The following ANGPTL8 variants were observed in gnomAD, a reference collection of about 807,000 sequenced individuals.
ANGPTL8 encodes the protein angiopoietin like 8.
Under a neutral mutation model 22.6 loss-of-function variants are expected in ANGPTL8, and 24 were observed. That is an observed-to-expected ratio of 1.06 (90% CI 0.77 to 1.49). ANGPTL8 has a LOEUF of 1.49. Ranked by LOEUF, ANGPTL8 falls within the 40% of genes most tolerant of loss-of-function variation. The pLI is 0.00. For synonymous variants in ANGPTL8, 88 were observed against 113.4 expected, an observed-to-expected ratio of 0.78 and a Z score of 1.42; for missense variants, 230 against 259.6, an observed-to-expected ratio of 0.89 and a Z score of 0.78.
At chr19:11,241,002 T>C (rs529766469) in intron 2 of ANGPTL8, among the ~76,000 whole-genome samples, 81 of 151,816 alleles carry the variant, frequency 5.3e-4, no homozygotes, top group South Asian at 1.7e-3. Flanking sequence ...CCCAGCACTT[T>C]GGGTAGCTAA....
chr19:11,239,885 G>A lies in ANGPTL8; in HGVS notation c.248G>A (p.Arg83Gln), dbSNP rs754255586. The A allele has an allele frequency of 2.8e-5, 44 of 1,595,300 alleles. No individual in the cohort carries two copies. Among genetic ancestry groups the A allele is most frequent in the South Asian group, 3.4e-5 (3 of 88,020 alleles). The change falls in exon 1 of 4, where the codon CGG becomes CAG. Residue 83 changes from arginine to glutamine, a missense_variant. Arg to Gln is a conservative substitution (Grantham distance 43). Transcript: ENST00000252453. ...TIELLGQEVSRGRDAAQELRA... is the reference protein window; with the variant it reads ...TIELLGQEVSQGRDAAQELRA... ...GAACTCCTGGGGCAGGAGGTCAGCCGGGGCCGGGATGCAGCCCAGGAACTT... is the reference window on the plus strand; with the variant it reads ...GAACTCCTGGGGCAGGAGGTCAGCCAGGGCCGGGATGCAGCCCAGGAACTT...
Position 11,240,187 on chromosome 19 carries a change from G to C in ANGPTL8, c.350G>C (p.Gly117Ala), listed in dbSNP as rs748361618. The change falls in exon 2 of 4, where the codon GGG becomes GCG. Residue 117 changes from glycine to alanine, a missense_variant. Transcript: ENST00000252453. The part of the protein sequence containing the change: ...LQAEATAEVL[G>A]EVAQAQKVLR... ...GCAGAGGCCACAGCTGAGGTGCTGG[G>C]GGAGGTGGCCCAGGCACAGAAGGTG... 3 of 1,554,682 alleles carry C rather than the reference G, an allele frequency of 1.9e-6. No individual in the cohort carries two copies. The African/African-American group carries it at 4.1e-5, about 21-fold the overall frequency.
chr19:11,240,582 CTTTTTTTTTTT>C (rs869249463), intron 2 of ANGPTL8, among the ~76,000 whole-genome samples: 4 of 136,364 alleles, frequency 2.9e-5, no homozygotes, highest in African/African-American at 1.1e-4. Context: ...TCAATAAATT[CTTTTTTTTTTT>C]TTTTTTGAGA....
chr19:11,241,423 G>T (rs1326511041), intron 2 of ANGPTL8, 22 bp from the exon 3 acceptor site: 3 of 1,508,774 alleles, frequency 2.0e-6, no homozygotes, highest in Non-Finnish European at 2.7e-6. Flanking sequence ...GTCGGCTGAG[G>T]TTTCCATTCT....
Position 11,241,701 on chromosome 19 carries a change from G to T in ANGPTL8, c.*14G>T. The T allele has an allele frequency of 6.3e-7, 1 of 1,580,608 alleles. No individual in the cohort carries two copies. Among genetic ancestry groups the T allele is most frequent in the Non-Finnish European group, 8.6e-7 (1 of 1,164,076 alleles). On this transcript the variant is annotated 3_prime_UTR_variant, in exon 4 of 4. Transcript: ENST00000252453. ...CTCCCAGCCTGAATCTGCCTGGATG[G>T]AACTGAGGACCAATCATGCTGCAAG...
chr19:11,239,729 A>G lies in ANGPTL8; in HGVS notation c.92A>G (p.Gln31Arg). 1 of 1,613,336 alleles carries G rather than the reference A, an allele frequency of 6.2e-7. No individual in the cohort carries two copies. Among genetic ancestry groups the G allele is most frequent in the Non-Finnish European group, 8.5e-7 (1 of 1,179,724 alleles). ...CCCATGGGCGGCCCAGAACTGGCAC[A>G]GCATGAGGAGCTGACCCTGCTCTTC... is the stretch of plus-strand genomic sequence containing the variant. ...AAPMGGPELA[Q>R]HEELTLLFHG... The change falls in exon 1 of 4, where the codon CAG (glutamine) becomes CGG (arginine). Residue 31 changes from glutamine (Q) to arginine (R), a missense_variant. Physicochemically the swap from Gln to Arg is conservative, Grantham distance 43 (BLOSUM62 1). Coordinates refer to ENST00000252453, the MANE Select transcript of ANGPTL8 (RefSeq NM_018687.7).
chr19:11,240,132 C>T lies in ANGPTL8; in HGVS notation c.298-3C>T. 9 of 1,551,594 alleles carry T rather than the reference C, an allele frequency of 5.8e-6. No homozygotes were observed. The highest frequency in any genetic ancestry group is 7.8e-6 in the Non-Finnish European group (9 of 1,146,992). The stretch of plus-strand genomic sequence containing the variant: ...TACTAGTGACCCACTGTTTATTAAG[C>T]AGATGGAGGAGGATATTCTGCAGCT... On this transcript the variant is annotated splice_region_variant and splice_polypyrimidine_tract_variant and intron_variant, in intron 1 of 3. Transcript: ENST00000252453.
At chr19:11,240,108 A>G (rs1318750771) in intron 1 of ANGPTL8, 27 bp from the exon 2 acceptor site, 1 of 1,551,276 alleles carries the variant, frequency 6.4e-7, no homozygotes, top group African/African-American at 1.4e-5. Flanking sequence ...TGGACATCCT[A>G]CTAGTGACCC....
intron 1 of ANGPTL8, 35 bp downstream of exon 1, chr19:11,239,969 A>T (rs758952234): frequency 6.4e-7 from 1 of 1,558,048 alleles, no homozygotes; most frequent in South Asian, 1.2e-5. Flanking sequence ...TGGGGTGGCC[A>T]GGAGTCCAAA....
At chr19:11,240,423 C>A in intron 2 of ANGPTL8, 127 bp downstream of exon 2, 1 of 991,726 alleles carries the variant, frequency 1.0e-6, no homozygotes, top group Non-Finnish European at 1.4e-6. Context: ...CCTGCATGTC[C>A]CCAGACAAAA....
At position 11,239,888 on chromosome 19, in the gene ANGPTL8, GC is replaced by G. The variant is rs747694751; in HGVS notation, c.253del (p.Arg85GlyfsTer49). On this transcript the variant is annotated frameshift_variant, in exon 1 of 4. Coordinates refer to ENST00000252453, the MANE Select transcript of ANGPTL8 (RefSeq NM_018687.7). LOFTEE classifies it high-confidence loss of function. ...IELLGQEVSR[G>X]RDAAQELRAS... ...CTCCTGGGGCAGGAGGTCAGCCGGGGCCGGGATGCAGCCCAGGAACTTCGGG... is the reference window on the plus strand; with the variant it reads ...CTCCTGGGGCAGGAGGTCAGCCGGGGCGGGATGCAGCCCAGGAACTTCGGG... 3 of 1,594,946 alleles carry G rather than the reference GC, an allele frequency of 1.9e-6. No individual in the cohort carries two copies. The highest frequency in any genetic ancestry group is 2.6e-6 in the Non-Finnish European group (3 of 1,171,124).
chr19:11,239,880 C>T lies in ANGPTL8; in HGVS notation c.243C>T (p.Val81=). The T allele has an allele frequency of 6.3e-7, 1 of 1,596,096 alleles. No homozygotes were observed. The highest frequency in any genetic ancestry group is 8.5e-7 in the Non-Finnish European group (1 of 1,171,754). ...CAATAGAACTCCTGGGGCAGGAGGT[C>T]AGCCGGGGCCGGGATGCAGCCCAGG... ...GRTIELLGQE[V]SRGRDAAQEL... The change falls in exon 1 of 4, where the codon GTC becomes GTT. Residue 81 remains valine, a synonymous_variant. Coordinates refer to ENST00000252453, the MANE Select transcript of ANGPTL8 (RefSeq NM_018687.7).
rs1568251646 is a variant in ANGPTL8, at chr19:11,239,622, C to T, written c.-16C>T. 1 of 1,613,608 alleles carries T rather than the reference C, an allele frequency of 6.2e-7. No homozygotes were observed. Among genetic ancestry groups the T allele is most frequent in the East Asian group, 2.2e-5 (1 of 44,886 alleles). On this transcript the variant is annotated 5_prime_UTR_variant, in exon 1 of 4. Coordinates refer to ENST00000252453, the MANE Select transcript of ANGPTL8 (RefSeq NM_018687.7). ...CTTCAGTGACAGTGCTGTGGCTATA[C>T]CTTAGACCCTCAGTCATGCCAGTGC...
At position 11,240,232 on chromosome 19, in the gene ANGPTL8, G is replaced by A. The variant is rs773581407; in HGVS notation, c.395G>A (p.Arg132Gln). The A allele has an allele frequency of 5.2e-5, 82 of 1,577,360 alleles. No homozygotes were observed. Among genetic ancestry groups the A allele is most frequent in the Non-Finnish European group, 6.2e-5 (72 of 1,162,036 alleles). Residue 132 changes from arginine to glutamine, a missense_variant, in exon 2 of 4, where the codon CGG (arginine) becomes CAG (glutamine). Coordinates refer to ENST00000252453, the MANE Select transcript of ANGPTL8 (RefSeq NM_018687.7). ...AAGGTGCTACGGGACAGCGTGCAGC[G>A]GCTAGAAGTCCAGCTGAGGAGCGCC... Reference protein sequence around the residue: ...AQKVLRDSVQRLEVQLRSAWL... With the variant: ...AQKVLRDSVQQLEVQLRSAWL...
intron 1 of ANGPTL8, 39 bp downstream of exon 1, chr19:11,239,973 G>T (rs752312893): frequency 1.9e-6 from 3 of 1,556,784 alleles, no homozygotes; most frequent in South Asian, 2.4e-5. Context: ...GTGGCCAGGA[G>T]TCCAAAGAGG....
chr19:11,240,264 G>C lies in ANGPTL8; in HGVS notation c.427G>C (p.Gly143Arg). The C allele has an allele frequency of 6.3e-7, 1 of 1,584,112 alleles. No individual in the cohort carries two copies. The highest frequency in any genetic ancestry group is 1.3e-5 in the African/African-American group (1 of 74,194). Reference protein sequence around the residue: ...LEVQLRSAWLGPAYREFEVLK... With the variant: ...LEVQLRSAWLRPAYREFEVLK... ...AGTCCAGCTGAGGAGCGCCTGGCTG[G>C]GCCCTGCCTACCGAGAATTTGAGGT... The change falls in exon 2 of 4, where the codon GGC becomes CGC. Residue 143 changes from glycine (G) to arginine (R), a missense_variant. Physicochemically the swap from Gly to Arg is moderately radical, Grantham distance 125. Transcript: ENST00000252453.
intron 1 of ANGPTL8, 74 bp downstream of exon 1, chr19:11,240,008 A>C: frequency 3.2e-6 from 5 of 1,548,064 alleles, no homozygotes; most frequent in Admixed American, 3.9e-5. Flanking sequence ...GTAACCAACC[A>C]TCCTGGTTTG....
At position 11,240,304 on chromosome 19, in the gene ANGPTL8, G is replaced by A. The variant is rs1374634950; in HGVS notation, c.459+8G>A. ...GAATTTGAGGTCTTAAAGGTAAGGA[G>A]CTCCCCCAACCCTAGTGGGCTGAGA... On this transcript the variant is annotated splice_region_variant and intron_variant, in intron 2 of 3. Coordinates refer to ENST00000252453, the MANE Select transcript of ANGPTL8 (RefSeq NM_018687.7). 1 of 1,560,338 alleles carries A rather than the reference G, an allele frequency of 6.4e-7. No homozygotes were observed.
At position 11,241,523 on chromosome 19, in the gene ANGPTL8, C is replaced by G. The variant is rs1320500894; in HGVS notation, c.538C>G (p.Gln180Glu). The G allele has an allele frequency of 6.4e-7, 1 of 1,552,806 alleles. No individual in the cohort carries two copies. The highest frequency in any genetic ancestry group is 8.7e-7 in the Non-Finnish European group (1 of 1,147,668). The change falls in exon 3 of 4, where the codon CAG (glutamine) becomes GAG (glutamate). Residue 180 changes from glutamine (Q) to glutamate (E), a missense_variant. By Grantham distance (29) the Gln-to-Glu change is conservative. Coordinates refer to ENST00000252453, the MANE Select transcript of ANGPTL8 (RefSeq NM_018687.7). ...VQRQRREMVAQQHRLRQIQER... is the reference protein window; with the variant it reads ...VQRQRREMVAEQHRLRQIQER... The stretch of plus-strand genomic sequence containing the variant: ...GCGGCAGAGGCGGGAGATGGTGGCA[C>G]AGCAGCATCGGCTGCGACAGATCCA...
Sources: gnomAD v4.1 joint callset for allele counts (sites outside exome capture counted in the v4.1 genomes callset) on GRCh38, gnomAD v4.1.1 for gene constraint, MANE v1.5 for transcripts, NCBI Gene and HGNC (gene_info 2026-07-23, HGNC 2026-07-21) for gene names.